TMEM135: variants seen among roughly 807,000 people sequenced by gnomAD.
TMEM135 encodes peroxisomal membrane protein 52.
Under a neutral mutation model 60.3 loss-of-function variants are expected in TMEM135, and 30 were observed. That is an observed-to-expected ratio of 0.50 (90% CI 0.37 to 0.68). TMEM135 has a LOEUF of 0.68. Among genes scored for constraint, TMEM135 ranks in the 30% least tolerant of loss-of-function variants. The pLI, the probability that TMEM135 is intolerant of heterozygous loss-of-function variation, is 0.00. For synonymous variants in TMEM135, 190 were observed against 186.7 expected, an observed-to-expected ratio of 1.02 and a Z score of -0.14; for missense variants, 468 against 548.8, an observed-to-expected ratio of 0.85 and a Z score of 1.47.
intron 9 of TMEM135, 125 bp from the exon 10 acceptor site, chr11:87,309,380 G>A: frequency 1.1e-6 from 1 of 895,662 alleles, no homozygotes; most frequent in Non-Finnish European, 1.8e-6. Flanking sequence ...GCTTTATTTT[G>A]CTGTGCTATA....
At chr11:87,056,275 G>C (rs1278420261) in intron 1 of TMEM135, among the ~76,000 whole-genome samples, 1 of 152,110 alleles carries the variant, frequency 6.6e-6, no homozygotes, top group Non-Finnish European at 1.5e-5. Context: ...AATTTTCTGA[G>C]AATGCAGCCC....
At chr11:87,173,090 C>A (rs1650343269) in intron 5 of TMEM135, among the ~76,000 whole-genome samples, 1 of 151,998 alleles carries the variant, frequency 6.6e-6, no homozygotes, top group Admixed American at 6.6e-5. Context: ...TTTAATGTTG[C>A]ATCTATTTTT....
intron 6 of TMEM135, among the ~76,000 whole-genome samples, chr11:87,288,990 T>C (rs1393163478): frequency 2.0e-5 from 3 of 152,072 alleles, no homozygotes; most frequent in Non-Finnish European, 4.4e-5. Context: ...AATAAATAAG[T>C]AAATAAAACA....
chr11:87,042,986 G>A (rs375927910), intron 1 of TMEM135, among the ~76,000 whole-genome samples: 4 of 143,120 alleles, frequency 2.8e-5, no homozygotes, highest in Admixed American at 7.0e-5. Flanking sequence ...ACAGAGTTTC[G>A]CTCTTGTTGC....
At chr11:87,100,399 A>T (rs929873206) in intron 4 of TMEM135, among the ~76,000 whole-genome samples, 2 of 152,264 alleles carry the variant, frequency 1.3e-5, no homozygotes, top group Non-Finnish European at 2.9e-5. Context: ...ACAGGTAGGG[A>T]TTTAAAGATT....
chr11:87,185,505 T>A (rs1939628717), intron 5 of TMEM135, among the ~76,000 whole-genome samples: 1 of 142,650 alleles, frequency 7.0e-6, no homozygotes, highest in Non-Finnish European at 1.5e-5. Flanking sequence ...AATTCATATG[T>A]GGTGTTTTTT....
chr11:87,318,693 T>C (rs145475761), intron 13 of TMEM135, among the ~76,000 whole-genome samples: 1 of 152,120 alleles, frequency 6.6e-6, no homozygotes, highest in Non-Finnish European at 1.5e-5. Flanking sequence ...ACCATTATTA[T>C]TGACATTAAC....
At chr11:87,081,819 T>C (rs547178141) in intron 3 of TMEM135, among the ~76,000 whole-genome samples, 7 of 152,284 alleles carry the variant, frequency 4.6e-5, no homozygotes, top group Admixed American at 3.9e-4. Context: ...AAATATTAGC[T>C]GAAGTAGTTT....
chr11:87,267,020 TAG>T (rs981983319), intron 6 of TMEM135, among the ~76,000 whole-genome samples: 2 of 152,044 alleles, frequency 1.3e-5, no homozygotes, highest in African/African-American at 4.8e-5. Flanking sequence ...CTTAAGGTGG[TAG>T]AGTGTTTCCT....
intron 6 of TMEM135, among the ~76,000 whole-genome samples, chr11:87,282,961 G>A (rs1942095404): frequency 6.6e-6 from 1 of 152,070 alleles, no homozygotes; most frequent in Non-Finnish European, 1.5e-5. Context: ...ATCTTTGAGA[G>A]GATGTAAGCT....
Position 87,242,993 on chromosome 11 carries a change from G to A in TMEM135, c.509+6309G>A, listed in dbSNP as rs1425359580. Among the ~76,000 whole-genome samples the A allele has an allele frequency of 3.0e-4, 41 of 136,386 alleles. No homozygotes were observed. In the East Asian group the frequency reaches 3.4e-3, roughly 11 times the overall value. 89.5% of individuals were successfully genotyped at this position (136,386 alleles called of 152,430 possible). A position where few individuals can be genotyped will look rare whatever the true frequency, so the allele number is the denominator to read the frequency against. ...GGGTTTTCATGGTTTTAGGTCTAAC[G>A]TTTAAGTCTTTAATCCATCTTGAAT... On this transcript the variant is annotated intron_variant, in intron 6 of 14. Transcript: ENST00000305494.
At chr11:87,248,113 AT>A (rs1941331265) in intron 6 of TMEM135, among the ~76,000 whole-genome samples, 1 of 152,038 alleles carries the variant, frequency 6.6e-6, no homozygotes, top group Non-Finnish European at 1.5e-5. Context: ...ATGGGAACTT[AT>A]ATTGCTTGCA....
intron 5 of TMEM135, among the ~76,000 whole-genome samples, chr11:87,236,078 T>A (rs1350918911): frequency 6.6e-6 from 1 of 151,944 alleles, no homozygotes; most frequent in Non-Finnish European, 1.5e-5. Context: ...GTTGTCCTTG[T>A]TTTTAAGTTA....
intron 6 of TMEM135, among the ~76,000 whole-genome samples, chr11:87,240,090 G>T (rs186598216): frequency 6.6e-6 from 1 of 152,038 alleles, no homozygotes; most frequent in African/African-American, 2.4e-5. Context: ...GGTACTGTGC[G>T]AGGAGAGGGC....
At chr11:87,160,188 C>T (rs373143623) in intron 5 of TMEM135, among the ~76,000 whole-genome samples, 1 of 152,150 alleles carries the variant, frequency 6.6e-6, no homozygotes, top group East Asian at 1.9e-4. Flanking sequence ...TGTGTTTCCT[C>T]CTCCCTGTTC....
intron 9 of TMEM135, among the ~76,000 whole-genome samples, chr11:87,306,397 C>A (rs1942544410): frequency 6.6e-6 from 1 of 152,168 alleles, no homozygotes; most frequent in Admixed American, 6.5e-5. Context: ...GATCAGCACT[C>A]ACACACATAC....
At chr11:87,227,117 T>C (rs1479407581) in intron 5 of TMEM135, among the ~76,000 whole-genome samples, 4 of 152,070 alleles carry the variant, frequency 2.6e-5, no homozygotes, top group African/African-American at 7.2e-5. Context: ...GGCCTAAGTT[T>C]CTGGCATATT....
At chr11:87,277,480 G>C (rs1941989202) in intron 6 of TMEM135, 1 of 167,944 alleles carries the variant, frequency 6.0e-6, no homozygotes, top group Admixed American at 6.5e-5. Flanking sequence ...GATCACATTT[G>C]CTGTACTCTG....
intron 4 of TMEM135, among the ~76,000 whole-genome samples, chr11:87,134,063 G>A (rs959413288): frequency 7.9e-5 from 12 of 151,932 alleles, no homozygotes; most frequent in Admixed American, 7.9e-4. Flanking sequence ...GTTTTCTAGG[G>A]CTGCCATAAC....
Sources: gnomAD v4.1 joint callset for allele counts (sites outside exome capture counted in the v4.1 genomes callset) on GRCh38, gnomAD v4.1.1 for gene constraint, MANE v1.5 for transcripts, NCBI Gene and HGNC (gene_info 2026-07-23, HGNC 2026-07-21) for gene names.